Variants in DMD observed in about 807,000 individuals in gnomAD.
The protein encoded by DMD is mutant dystrophin.
A neutral mutation model predicts 330.1 loss-of-function variants in DMD; 63 were observed. That is an observed-to-expected ratio of 0.19 (90% CI 0.16 to 0.24). The LOEUF is 0.24. Among genes scored for constraint, DMD ranks in the 10% least tolerant of loss-of-function variants. The pLI, the probability that DMD is intolerant of heterozygous loss-of-function variation, is 1.00. For missense variants in DMD, 3,344 were observed against 2,684.1 expected (o/e 1.25, Z -5.43); for synonymous variants, 1,223 against 959.8 (o/e 1.27, Z -5.07).
chrX:32,176,051 C>A (rs2096905416), intron 44 of DMD, among the ~76,000 whole-genome samples: 1 of 111,677 alleles, frequency 9.0e-6, no homozygotes, highest in African/African-American at 3.2e-5. Flanking sequence ...AAAGCTAGTT[C>A]ATTTTTAAGG....
At chrX:32,846,177 C>T (rs1166682762) in intron 3 of DMD, among the ~76,000 whole-genome samples, 2 of 111,667 alleles carry the variant, frequency 1.8e-5, no homozygotes, top group African/African-American at 3.3e-5. Context: ...CTTTAATCCC[C>T]GCCTTGCAAG....
At chrX:32,752,652 G>C (rs1387911741) in intron 7 of DMD, among the ~76,000 whole-genome samples, 1 of 107,997 alleles carries the variant, frequency 9.3e-6, no homozygotes, top group African/African-American at 3.4e-5. Flanking sequence ...GTGAGGATAT[G>C]AGATTTGGGA....
chrX:32,580,321 C>A (rs2053524238), intron 13 of DMD, among the ~76,000 whole-genome samples: 1 of 112,192 alleles, frequency 8.9e-6, no homozygotes, highest in African/African-American at 3.2e-5. Flanking sequence ...GCTTTCCCCA[C>A]CCAACTTTTG....
At chrX:31,157,356 A>C (rs1041430417) in intron 74 of DMD, among the ~76,000 whole-genome samples, 2 of 112,239 alleles carry the variant, frequency 1.8e-5, no homozygotes, top group Non-Finnish European at 1.9e-5. Flanking sequence ...GTTCAACACA[A>C]GAAGAATTCA....
At chrX:31,594,687 C>A (rs1176535093) in intron 55 of DMD, among the ~76,000 whole-genome samples, 3 of 111,150 alleles carry the variant, frequency 2.7e-5, no homozygotes, top group African/African-American at 9.8e-5. Context: ...TACCATTTAT[C>A]CATTGCATTA....
rs1460548647 is a variant in DMD, at chrX:31,120,139, G to C, written c.*1780C>G. On this transcript the variant is annotated 3_prime_UTR_variant, in exon 79 of 79. Coordinates refer to ENST00000357033, the MANE Select transcript of DMD (RefSeq NM_004006.3). The stretch of plus-strand genomic sequence containing the variant: ...AGGTAACAGATTTGCAAAATTATAG[G>C]TCACACGGTGGTATCTATTGAATGA... 9.0e-6 allele frequency: 1 copy of C among 110,600 alleles called. No individual in the cohort carries two copies. The highest frequency in any genetic ancestry group is 3.3e-5 in the African/African-American group (1 of 30,578). 9.1% of individuals were successfully genotyped at this position (110,600 alleles called of 1,213,427 possible).
intron 1 of DMD, among the ~76,000 whole-genome samples, chrX:33,193,496 T>C (rs1238133351): frequency 1.8e-5 from 2 of 112,198 alleles, no homozygotes; most frequent in East Asian, 2.8e-4. Context: ...GACACAATTT[T>C]AATGGTTTCC....
chrX:32,456,680 G>C (rs1298138943), intron 25 of DMD, among the ~76,000 whole-genome samples: 1 of 106,481 alleles, frequency 9.4e-6, no homozygotes, highest in Non-Finnish European at 1.9e-5. Flanking sequence ...TGGAAATTTT[G>C]AAGGCAAAAA....
intron 7 of DMD, among the ~76,000 whole-genome samples, chrX:32,791,756 A>G (rs1323070293): frequency 8.9e-6 from 1 of 111,992 alleles, no homozygotes; most frequent in Non-Finnish European, 1.9e-5. Context: ...AAGCCATGAA[A>G]TGCTTGCATT....
chrX:31,466,163 C>T (rs1240309807), intron 59 of DMD, among the ~76,000 whole-genome samples: 1 of 112,241 alleles, frequency 8.9e-6, no homozygotes, highest in Non-Finnish European at 1.9e-5. Flanking sequence ...TTTTGCTGTG[C>T]AGAAGCTCTT....
chrX:31,544,323 CAAAA>C (rs756215454), intron 55 of DMD, among the ~76,000 whole-genome samples: 2 of 50,876 alleles, frequency 3.9e-5, no homozygotes. Context: ...GACTCCGTCT[CAAAA>C]AAAAAAAAAA....
intron 42 of DMD, among the ~76,000 whole-genome samples, chrX:32,298,116 AG>A (rs1369450742): frequency 9.1e-6 from 1 of 110,145 alleles, no homozygotes; most frequent in Non-Finnish European, 1.9e-5. Context: ...AGAAGCAGAA[AG>A]GGGGATATAA....
intron 7 of DMD, among the ~76,000 whole-genome samples, chrX:32,701,001 G>GA (rs1458055196): frequency 1.8e-5 from 2 of 111,846 alleles, no homozygotes; most frequent in African/African-American, 6.5e-5. Context: ...TACAAGAGAC[G>GA]AAAAAATTAA....
At chrX:32,693,358 G>A (rs1201307501) in intron 9 of DMD, among the ~76,000 whole-genome samples, 1 of 112,141 alleles carries the variant, frequency 8.9e-6, no homozygotes, top group East Asian at 2.8e-4. Context: ...ATCAAAAATC[G>A]AACTAATACA....
intron 52 of DMD, among the ~76,000 whole-genome samples, chrX:31,725,607 G>T (rs2085974562): frequency 8.9e-6 from 1 of 111,953 alleles, no homozygotes; most frequent in African/African-American, 3.2e-5. Context: ...TTACAGAGAA[G>T]GAAACTAAGA....
At chrX:33,002,144 A>G (rs9698349) in intron 2 of DMD, among the ~76,000 whole-genome samples, 12,532 of 110,372 alleles carry the variant, frequency 0.11, 1,378 homozygotes, top group African/African-American at 0.34. Flanking sequence ...AGATATATAC[A>G]TCTCTAATCA....
At chrX:32,384,652 A>G (rs2097946295) in intron 33 of DMD, among the ~76,000 whole-genome samples, 1 of 110,995 alleles carries the variant, frequency 9.0e-6, no homozygotes, top group Non-Finnish European at 1.9e-5. Flanking sequence ...ATTGGCAACT[A>G]ATATCTTGAA....
chrX:31,577,790 C>T (rs1313200406), intron 55 of DMD, among the ~76,000 whole-genome samples: 1 of 111,466 alleles, frequency 9.0e-6, no homozygotes, highest in Non-Finnish European at 1.9e-5. Context: ...CTCCATGATG[C>T]CAATGAATTT....
chrX:32,172,581 G>A (rs934981004), intron 44 of DMD, among the ~76,000 whole-genome samples: 4 of 111,052 alleles, frequency 3.6e-5, no homozygotes, highest in African/African-American at 1.3e-4. Flanking sequence ...TCCCACAACG[G>A]GAGTTATATC....
Sources: allele counts gnomAD v4.1 joint callset (sites outside exome capture counted in the v4.1 genomes callset), GRCh38; gene constraint gnomAD v4.1.1; transcripts MANE v1.5; gene names NCBI Gene and HGNC (gene_info 2026-07-23, HGNC 2026-07-21).